Variants in FAM117B observed in about 807,000 individuals in gnomAD.
The protein encoded by FAM117B is family with sequence similarity 117 member B, also known as protein FAM117B.
FAM117B carries 22 observed loss-of-function variants against 52.8 expected under a neutral mutation model. The ratio of observed to expected loss-of-function variants is 0.42; its 90% confidence interval spans 0.30 to 0.59. FAM117B has a LOEUF of 0.59. FAM117B is among the 20% of genes least tolerant of loss of function. The pLI is 0.22. For synonymous variants in FAM117B, 309 were observed against 324.1 expected (o/e 0.95, Z 0.50); for missense variants, 678 against 802.6 (o/e 0.84, Z 1.88).
In FAM117B at chr2:202,635,575, GC is replaced by G; in HGVS notation, c.389del (p.Ala130GlyfsTer36). On this transcript the variant is annotated frameshift_variant, in exon 1 of 8. Transcript: ENST00000392238. LOFTEE classifies it high-confidence loss of function. ...AGGCACCAGCCCCACGCGCAGCGCC[GC>G]GCCTGGAGCTCGCGGGAGCCCCCCA... ...TRGTSPTRSA[A>X]PGARGSPPRP... 1 of 1,235,486 alleles carries G rather than the reference GC, an allele frequency of 8.1e-7. No individual in the cohort carries two copies. The highest frequency in any genetic ancestry group is 1.0e-6 in the Non-Finnish European group (1 of 993,468). 76.5% of individuals were successfully genotyped at this position (1,235,486 alleles called of 1,614,324 possible).
In FAM117B at chr2:202,691,267, T is replaced by C. The variant is rs547467196; in HGVS notation, c.602-4614T>C. ...GCTGTCTCTACTAAAAGTATAAAAA[T>C]GAGCCAGGTGTTTTGGTGATGCATG... On this transcript the variant is annotated intron_variant, in intron 1 of 7. Transcript: ENST00000392238. 2.6e-5 allele frequency among the ~76,000 whole-genome samples: 4 copies of C among 152,032 alleles called. No homozygotes were observed. The East Asian group carries it at 7.8e-4, about 29-fold the overall frequency.
intron 1 of FAM117B, among the ~76,000 whole-genome samples, chr2:202,637,227 A>T (rs1055892438): frequency 5.3e-5 from 8 of 151,490 alleles, no homozygotes; most frequent in African/African-American, 1.9e-4. Flanking sequence ...GAACCAGAGC[A>T]CTGTTTTATT....
At chr2:202,729,769 A>T (rs1026160126) in intron 4 of FAM117B, among the ~76,000 whole-genome samples, 1 of 152,174 alleles carries the variant, frequency 6.6e-6, no homozygotes, top group Non-Finnish European at 1.5e-5. Flanking sequence ...CCCAGATAGG[A>T]GTAGTGGTAA....
intron 1 of FAM117B, among the ~76,000 whole-genome samples, chr2:202,663,562 T>C (rs966707488): frequency 6.7e-6 from 1 of 150,316 alleles, no homozygotes; most frequent in Admixed American, 6.7e-5. Flanking sequence ...TCACATTCGA[T>C]ATTCAGTCAC....
At chr2:202,707,236 A>C (rs547522283) in intron 2 of FAM117B, among the ~76,000 whole-genome samples, 1 of 147,318 alleles carries the variant, frequency 6.8e-6, no homozygotes, top group Admixed American at 6.8e-5. Flanking sequence ...TTTTGTAGAG[A>C]TGCGGGCCTT....
At chr2:202,733,252 C>G (rs1385278881) in intron 4 of FAM117B, among the ~76,000 whole-genome samples, 3 of 152,080 alleles carry the variant, frequency 2.0e-5, no homozygotes, top group Non-Finnish European at 4.4e-5. Flanking sequence ...AAGGGCAAAG[C>G]AAAGATCACA....
At position 202,722,567 on chromosome 2, in the gene FAM117B, A is replaced by G. The variant is rs746262563; in HGVS notation, c.754-2350A>G. On this transcript the variant is annotated intron_variant, in intron 2 of 7. Coordinates refer to ENST00000392238, the MANE Select transcript of FAM117B (RefSeq NM_173511.4). ...GCCATTATCCTTAGCAAACTAACACAGGAACAGAAAACCAAATACTGCATG... is the reference window on the plus strand; with the variant it reads ...GCCATTATCCTTAGCAAACTAACACGGGAACAGAAAACCAAATACTGCATG... 2.0e-4 allele frequency among the ~76,000 whole-genome samples: 30 copies of G among 152,338 alleles called. 1 individual carries two copies. Among genetic ancestry groups the G allele is most frequent in the Middle Eastern group, 6.8e-3 (2 of 294 alleles).
chr2:202,684,381 T>C (rs1043928867), intron 1 of FAM117B, among the ~76,000 whole-genome samples: 2 of 152,236 alleles, frequency 1.3e-5, no homozygotes, highest in Admixed American at 6.5e-5. Flanking sequence ...AATACTTTCT[T>C]GCTTTTTTGT....
intron 2 of FAM117B, among the ~76,000 whole-genome samples, chr2:202,696,283 C>CT (rs981029225): frequency 1.3e-5 from 2 of 151,978 alleles, no homozygotes; most frequent in Admixed American, 6.6e-5. Context: ...TATGGACATA[C>CT]TTTTTTTTCC....
At chr2:202,690,148 A>G (rs1352366164) in intron 1 of FAM117B, among the ~76,000 whole-genome samples, 1 of 152,060 alleles carries the variant, frequency 6.6e-6, no homozygotes, top group Non-Finnish European at 1.5e-5. Context: ...GTTGACTGAA[A>G]TTTTCAATGC....
At chr2:202,641,356 T>C (rs1052512982) in intron 1 of FAM117B, among the ~76,000 whole-genome samples, 3 of 151,988 alleles carry the variant, frequency 2.0e-5, no homozygotes, top group Non-Finnish European at 4.4e-5. Flanking sequence ...AGAGCGGAAA[T>C]AGTAGAGAAA....
intron 4 of FAM117B, among the ~76,000 whole-genome samples, chr2:202,729,442 G>A (rs1289895252): frequency 1.3e-5 from 2 of 152,154 alleles, no homozygotes; most frequent in African/African-American, 2.4e-5. Flanking sequence ...AGTGCCACAC[G>A]ATACATGTGT....
At chr2:202,714,475 T>C (rs1475635378) in intron 2 of FAM117B, among the ~76,000 whole-genome samples, 1 of 152,008 alleles carries the variant, frequency 6.6e-6, no homozygotes, top group African/African-American at 2.4e-5. Context: ...GCTTTATATA[T>C]TTGTGTGCTC....
chr2:202,655,714 G>GAGAA (rs1690043613), intron 1 of FAM117B, among the ~76,000 whole-genome samples: 1 of 30,412 alleles, frequency 3.3e-5, no homozygotes, highest in Non-Finnish European at 6.3e-5. Context: ...GAGTGAGAGA[G>GAGAA]AGAGAGAGAG....
At chr2:202,746,704 A>G (rs867977476) in intron 4 of FAM117B, among the ~76,000 whole-genome samples, 5 of 152,160 alleles carry the variant, frequency 3.3e-5, no homozygotes, top group South Asian at 2.1e-4. Flanking sequence ...GAAATAGTAG[A>G]AAACCTGAAC....
At chr2:202,687,846 C>A (rs1690568553) in intron 1 of FAM117B, among the ~76,000 whole-genome samples, 1 of 152,120 alleles carries the variant, frequency 6.6e-6, no homozygotes, top group Non-Finnish European at 1.5e-5. Context: ...TTAAATCAAT[C>A]ATTTTCTTTC....
chr2:202,642,391 A>G (rs1689785621), intron 1 of FAM117B, among the ~76,000 whole-genome samples: 1 of 149,940 alleles, frequency 6.7e-6, no homozygotes. Flanking sequence ...GACTTGAGAT[A>G]GGAGAAACTC....
intron 4 of FAM117B, among the ~76,000 whole-genome samples, chr2:202,731,768 T>G (rs1691355112): frequency 6.6e-6 from 1 of 150,604 alleles, no homozygotes; most frequent in Non-Finnish European, 1.5e-5. Flanking sequence ...GGAGTTTCAC[T>G]CTTTATGCCC....
chr2:202,707,886 G>T (rs1449563220), intron 2 of FAM117B, among the ~76,000 whole-genome samples: 2 of 151,476 alleles, frequency 1.3e-5, no homozygotes, highest in Non-Finnish European at 2.9e-5. Context: ...TCCTGCCTCA[G>T]CCTCCCGAGT....
Sources: gnomAD v4.1 joint callset for allele counts (sites outside exome capture counted in the v4.1 genomes callset) on GRCh38, gnomAD v4.1.1 for gene constraint, MANE v1.5 for transcripts, NCBI Gene and HGNC (gene_info 2026-07-23, HGNC 2026-07-21) for gene names.